The following SLC30A6 variants were observed in gnomAD, a reference collection of about 807,000 sequenced individuals.
SLC30A6 encodes the protein solute carrier family 30 member 6.
Under a neutral mutation model 63.0 loss-of-function variants are expected in SLC30A6, and 55 were observed. The ratio of observed to expected loss-of-function variants is 0.87; its 90% CI spans 0.70 to 1.09. SLC30A6 has a LOEUF of 1.09. Among genes scored for constraint, SLC30A6 ranks in the 50% least tolerant of loss-of-function variants. The pLI is 0.00. For missense variants in SLC30A6, 587 were observed against 549.2 expected (o/e 1.07, Z -0.69); for synonymous variants, 224 against 186.1 (o/e 1.20, Z -1.66).
At chr2:32,172,106 T>G (rs970527659) in intron 2 of SLC30A6, among the ~76,000 whole-genome samples, 3 of 152,242 alleles carry the variant, frequency 2.0e-5, no homozygotes, top group African/African-American at 4.8e-5. Flanking sequence ...AGTTACTGTG[T>G]TTCATGCTTC....
In SLC30A6 at chr2:32,197,398, A is replaced by G. The variant is rs1348230665; in HGVS notation, c.545+6A>G. On this transcript the variant is annotated splice_donor_region_variant and intron_variant, in intron 9 of 13. Coordinates refer to ENST00000282587, the MANE Select transcript of SLC30A6 (RefSeq NM_017964.5). ...GTTGCAGATCTTAGTCGAAGGTAAG[A>G]TGTTATGGAGTTTCATGATATGCAT... The G allele has an allele frequency of 4.3e-6, 7 of 1,612,526 alleles. No homozygotes were observed. Among genetic ancestry groups the G allele is most frequent in the South Asian group, 1.1e-5 (1 of 90,988 alleles).
Position 32,221,062 on chromosome 2 carries a change from C to CT in SLC30A6, c.*358dup, listed in dbSNP as rs1182042492. 114 of 207,098 alleles carry CT rather than the reference C, an allele frequency of 5.5e-4. No individual in the cohort carries two copies. The highest frequency in any genetic ancestry group is 1.3e-3 in the East Asian group (11 of 8,338). The allele number at this position is 207,098 out of a possible 1,614,324, so 12.8% of individuals were successfully genotyped here. On this transcript the variant is annotated 3_prime_UTR_variant, in exon 14 of 14. Transcript: ENST00000282587. ...GTCACATTACTAAGATACGATATTT[C>CT]TTTTTTTTTCCGAGACGGAGTCTTG...
intron 13 of SLC30A6, among the ~76,000 whole-genome samples, chr2:32,215,517 T>TATA (rs1553339788): frequency 0.026 from 2,354 of 89,298 alleles, 33 homozygotes; most frequent in African/African-American, 0.047. Context: ...TATATATATA[T>TATA]TTTTTTTTTT....
At chr2:32,176,907 G>C (rs540559722) in intron 4 of SLC30A6, among the ~76,000 whole-genome samples, 1 of 151,846 alleles carries the variant, frequency 6.6e-6, no homozygotes, top group East Asian at 2.0e-4. Context: ...CAAGTAGCTG[G>C]GAATACAGAC....
chr2:32,187,929 CT>C (rs753495716), intron 5 of SLC30A6, among the ~76,000 whole-genome samples: 1 of 152,202 alleles, frequency 6.6e-6, no homozygotes, highest in South Asian at 2.1e-4. Flanking sequence ...GACCAAGCTA[CT>C]TTCATTTACA....
At chr2:32,206,028 C>G (rs1394849993) in intron 11 of SLC30A6, among the ~76,000 whole-genome samples, 2 of 151,992 alleles carry the variant, frequency 1.3e-5, no homozygotes, top group Admixed American at 6.6e-5. Flanking sequence ...TTTGTGTAAT[C>G]TGCTTATGAC....
chr2:32,202,496 T>C (rs1355174027), intron 10 of SLC30A6: 9 of 243,382 alleles, frequency 3.7e-5, no homozygotes, highest in African/African-American at 9.3e-5. Flanking sequence ...CCCCCGACTA[T>C]TTTTTTTTGT....
At chr2:32,185,368 A>AG (rs1233366023) in intron 5 of SLC30A6, among the ~76,000 whole-genome samples, 3 of 152,172 alleles carry the variant, frequency 2.0e-5, no homozygotes, top group African/African-American at 7.2e-5. Flanking sequence ...AAAAAAAAAA[A>AG]AATTTACTGA....
intron 1 of SLC30A6, among the ~76,000 whole-genome samples, chr2:32,169,247 A>G (rs1680958031): frequency 2.0e-5 from 3 of 152,184 alleles, no homozygotes; most frequent in South Asian, 2.1e-4. Context: ...AACCTGGCTC[A>G]CTGCTTGACT....
chr2:32,191,548 G>T (rs1683321119), intron 5 of SLC30A6, among the ~76,000 whole-genome samples: 2 of 151,882 alleles, frequency 1.3e-5, no homozygotes, highest in Admixed American at 6.6e-5. Flanking sequence ...TATAGTCTAG[G>T]GATTATAAAA....
intron 2 of SLC30A6, among the ~76,000 whole-genome samples, chr2:32,172,197 AACATTC>A (rs1681291477): frequency 6.6e-6 from 1 of 152,202 alleles, no homozygotes; most frequent in Non-Finnish European, 1.5e-5. Flanking sequence ...GTACAATATA[AACATTC>A]AGTAAATATT....
chr2:32,193,256 C>T (rs1024153403), intron 7 of SLC30A6, among the ~76,000 whole-genome samples: 4 of 151,972 alleles, frequency 2.6e-5, no homozygotes, highest in African/African-American at 9.7e-5. Context: ...CAAATTTGAC[C>T]TTCAAAATCT....
At chr2:32,169,677 C>T (rs924310981) in intron 1 of SLC30A6, among the ~76,000 whole-genome samples, 2 of 152,166 alleles carry the variant, frequency 1.3e-5, no homozygotes, top group African/African-American at 4.8e-5. Flanking sequence ...TACTCCTTCA[C>T]CGCAGAATGG....
At chr2:32,167,653 T>A (rs1009731711) in intron 1 of SLC30A6, among the ~76,000 whole-genome samples, 1 of 150,654 alleles carries the variant, frequency 6.6e-6, no homozygotes, top group African/African-American at 2.4e-5. Context: ...CTTGTGCTTT[T>A]ATATGCACAA....
chr2:32,214,388 T>C lies in SLC30A6; in HGVS notation c.885+4827T>C, dbSNP rs189219292. The C allele has an allele frequency of 1.3e-5, 2 of 152,330 alleles. 1 individual carries two copies. The highest frequency in any genetic ancestry group is 3.9e-4 in the East Asian group (2 of 5,190). 9.4% of individuals were successfully genotyped at this position (152,330 alleles called of 1,614,324 possible). ...TGCCTTCTAGAATGCCTTTTAGAAC[T>C]ACACACCTTGAGTCTTATGTTCATT... On this transcript the variant is annotated intron_variant, in intron 13 of 13. Coordinates refer to ENST00000282587, the MANE Select transcript of SLC30A6 (RefSeq NM_017964.5).
intron 13 of SLC30A6, among the ~76,000 whole-genome samples, chr2:32,216,663 GTGA>G: frequency 6.6e-6 from 1 of 152,118 alleles, no homozygotes; most frequent in African/African-American, 2.4e-5. Context: ...CTGCTGATTA[GTGA>G]TGATGAGCAT....
chr2:32,181,864 T>C (rs1682345098), intron 4 of SLC30A6, among the ~76,000 whole-genome samples: 1 of 150,342 alleles, frequency 6.7e-6, no homozygotes, highest in South Asian at 2.1e-4. Context: ...TGAGACTCCG[T>C]CTCAAAAAAA....
intron 4 of SLC30A6, among the ~76,000 whole-genome samples, chr2:32,179,157 G>T (rs1682063086): frequency 6.6e-6 from 1 of 152,190 alleles, no homozygotes; most frequent in African/African-American, 2.4e-5. Flanking sequence ...ACCTGTCCTG[G>T]CTGGAAACAG....
At position 32,192,388 on chromosome 2, in the gene SLC30A6, T is replaced by C. The variant is rs754810511; in HGVS notation, c.337T>C (p.Leu113=). The change falls in exon 6 of 14, where the codon TTG becomes CTG. Residue 113 remains leucine, a synonymous_variant. Coordinates refer to ENST00000282587, the MANE Select transcript of SLC30A6 (RefSeq NM_017964.5). ...AVFASTVLAQ[L]GALFILKESA... is the part of the protein sequence containing the mutation. ...ATTTGCCTCCACAGTCTTGGCACAG[T>C]TGGGAGCTCTCTTTATATTAAAAGA... The C allele has an allele frequency of 2.5e-6, 4 of 1,613,992 alleles. No individual in the cohort carries two copies.
Sources: gnomAD v4.1 joint callset for allele counts (sites outside exome capture counted in the v4.1 genomes callset) on GRCh38, gnomAD v4.1.1 for gene constraint, MANE v1.5 for transcripts, NCBI Gene and HGNC (gene_info 2026-07-23, HGNC 2026-07-21) for gene names.